The following ACTR1A variants were observed in gnomAD, a reference collection of about 807,000 sequenced individuals.
ACTR1A encodes alpha-centractin.
A neutral mutation model predicts 50.7 loss-of-function variants in ACTR1A; 10 were observed. The observed-to-expected ratio is 0.20, with a 90% CI of 0.12 to 0.33. The LOEUF (loss-of-function observed/expected upper bound fraction) is 0.33. ACTR1A is among the 10% of genes least tolerant of loss of function. ACTR1A has a pLI of 1.00. For missense variants in ACTR1A, 253 were observed against 491.7 expected, an observed-to-expected ratio of 0.51 and a Z score of 4.59; for synonymous variants, 177 against 184.2, an observed-to-expected ratio of 0.96 and a Z score of 0.32.
Position 102,481,191 on chromosome 10 carries a change from G to A in ACTR1A, c.988-19C>T. On this transcript the variant is annotated intron_variant, in intron 9 of 10. Coordinates refer to ENST00000369905, the MANE Select transcript of ACTR1A (RefSeq NM_005736.4). ...CAGATATCTGCAAAGGTGGGGGAAA[G>A]AGGAATCTGAGACTTCCAGCCCTCC... 3 of 1,569,986 alleles carry A rather than the reference G, an allele frequency of 1.9e-6. No homozygotes were observed. The South Asian group carries it at 3.6e-5, about 19-fold the overall frequency.
Position 102,484,069 on chromosome 10 carries a change from C to T in ACTR1A, c.657+91G>A, listed in dbSNP as rs985312778. The T allele has an allele frequency of 1.0e-5, 13 of 1,285,540 alleles. No homozygotes were observed. In the Admixed American group the frequency reaches 1.5e-4, roughly 14 times the overall value. 79.6% of individuals were successfully genotyped at this position (1,285,540 alleles called of 1,614,324 possible). A position where few individuals can be genotyped will look rare whatever the true frequency, so the allele number is the denominator to read the frequency against. ...CTCACCAGGGACCCCCAGGCAGGTG[C>T]TTTGCCTGGCTTCACTGGCAGGTCA... On this transcript the variant is annotated intron_variant, in intron 6 of 10. Transcript: ENST00000369905.
intron 1 of ACTR1A, among the ~76,000 whole-genome samples, chr10:102,501,084 GA>G (rs1227611614): frequency 2.7e-4 from 39 of 142,044 alleles, no homozygotes; most frequent in African/African-American, 4.1e-4. Flanking sequence ...AAAAAAAAAA[GA>G]AAAAAAAAAT....
rs532310435 is a variant in ACTR1A at position 102,491,753 on chromosome 10, G to A, written c.49-1140C>T. On this transcript the variant is annotated intron_variant, in intron 1 of 10. Transcript: ENST00000369905. Reference sequence around the variant, plus strand: ...CAGATGTCAAGGCTTAGTATTGCTTGTAGATACACCCTGTCCTCTTCCTTT... The same window carrying A: ...CAGATGTCAAGGCTTAGTATTGCTTATAGATACACCCTGTCCTCTTCCTTT... 3.3e-5 allele frequency among the ~76,000 whole-genome samples: 5 copies of A among 152,252 alleles called. No homozygotes were observed. The South Asian group carries it at 8.3e-4, about 25-fold the overall frequency.
chr10:102,484,335 C>T lies in ACTR1A; in HGVS notation c.482G>A (p.Gly161Glu). ...GGGCACAGCATGGGTGACTCCATCCCCAGAATCCAGCACCACCCCTGTGGT... is the reference window on the plus strand; with the variant it reads ...GGGCACAGCATGGGTGACTCCATCCTCAGAATCCAGCACCACCCCTGTGGT... ...GRTTGVVLDS[G>E]DGVTHAVPIY... Residue 161 changes from glycine (G) to glutamate (E), a missense_variant, in exon 6 of 11, where the codon GGG becomes GAG. Gly to Glu is a moderately conservative substitution (Grantham distance 98). Transcript: ENST00000369905. 1 of 1,614,164 alleles carries T rather than the reference C, an allele frequency of 6.2e-7. No homozygotes were observed. The highest frequency in any genetic ancestry group is 8.5e-7 in the Non-Finnish European group (1 of 1,180,040).
intron 9 of ACTR1A, 122 bp from the exon 10 acceptor site, chr10:102,481,294 C>T: frequency 7.3e-6 from 8 of 1,099,548 alleles, no homozygotes; most frequent in Non-Finnish European, 1.0e-5. Flanking sequence ...GCTCTGGCCT[C>T]TCTGGAGGGC....
chr10:102,484,087 G>A, intron 6 of ACTR1A, 73 bp downstream of exon 6: 1 of 1,465,594 alleles, frequency 6.8e-7, no homozygotes, highest in Non-Finnish European at 9.5e-7. Flanking sequence ...GGCTTCACTG[G>A]CAGGTCACCA....
At chr10:102,500,004 TG>T (rs1402971262) in intron 1 of ACTR1A, among the ~76,000 whole-genome samples, 3 of 152,206 alleles carry the variant, frequency 2.0e-5, no homozygotes, top group South Asian at 4.1e-4. Context: ...TGGAGAGAAG[TG>T]GGTGAAGTGA....
Position 102,480,863 on chromosome 10 carries a change from T to C in ACTR1A, c.1131A>G (p.Ter377=). The part of the protein sequence containing the change: ...GARSIHRKTF[*] ...GAGAGGTGAAGATGATGTCCCGACA[T>C]TAGAAGGTTTTTCTGTGGATGGATC... Residue 377 remains the stop codon, a stop_retained_variant, in exon 11 of 11, where the codon TAA becomes TAG. Transcript: ENST00000369905. 1 of 1,609,828 alleles carries C rather than the reference T, an allele frequency of 6.2e-7. No individual in the cohort carries two copies. The highest frequency in any genetic ancestry group is 8.5e-7 in the Non-Finnish European group (1 of 1,176,230).
At chr10:102,494,547 T>C (rs1337942472) in intron 1 of ACTR1A, among the ~76,000 whole-genome samples, 12 of 152,204 alleles carry the variant, frequency 7.9e-5, no homozygotes, top group Admixed American at 7.2e-4. Context: ...GGAGGATCAC[T>C]TGAGTCTGGG....
At chr10:102,481,017 G>A (rs928413932) in intron 10 of ACTR1A, 52 bp from the exon 11 acceptor site, 8 of 1,581,788 alleles carry the variant, frequency 5.1e-6, no homozygotes, top group Middle Eastern at 1.7e-4. Context: ...GGCTGTGTGT[G>A]GAGCCTACCA....
intron 1 of ACTR1A, among the ~76,000 whole-genome samples, chr10:102,502,311 A>G (rs2062260518): frequency 6.6e-6 from 1 of 152,230 alleles, no homozygotes. Context: ...AGGGCGGGCG[A>G]CGGGAATCTC....
Position 102,493,889 on chromosome 10 carries a change from C to T in ACTR1A, c.49-3276G>A, listed in dbSNP as rs574566576. Among the ~76,000 whole-genome samples the T allele has an allele frequency of 9.2e-5, 14 of 152,284 alleles. No homozygotes were observed. In the South Asian group the frequency reaches 2.7e-3, roughly 29 times the overall value. On this transcript the variant is annotated intron_variant, in intron 1 of 10. Coordinates refer to ENST00000369905, the MANE Select transcript of ACTR1A (RefSeq NM_005736.4). The stretch of plus-strand genomic sequence containing the variant: ...AAATGACAGAAGCCCCAGGCAGAGG[C>T]GGTTCAGCAAAGGGGAAAGCAGCAC...
At position 102,482,406 on chromosome 10, in the gene ACTR1A, AG is replaced by A. The variant is rs1252294430; in HGVS notation, c.751-232del. On this transcript the variant is annotated intron_variant, in intron 7 of 10. Coordinates refer to ENST00000369905, the MANE Select transcript of ACTR1A (RefSeq NM_005736.4). This position sits in a 1 kb window ranked among gnomAD's most constrained non-coding sequence, Gnocchi z 5.6. ...CTCGCTCTGGCATTTTCCAGCCAAGAGGTCTTTGGCATCAGTACATGGATTT... is the reference window on the plus strand; with the variant it reads ...CTCGCTCTGGCATTTTCCAGCCAAGAGTCTTTGGCATCAGTACATGGATTT... The A allele has an allele frequency of 5.2e-6, 3 of 575,064 alleles. No homozygotes were observed. The African/African-American group carries it at 5.6e-5, about 11-fold the overall frequency. 35.6% of individuals were successfully genotyped at this position (575,064 alleles called of 1,614,324 possible).
chr10:102,497,251 A>T (rs2062226922), intron 1 of ACTR1A, among the ~76,000 whole-genome samples: 1 of 151,898 alleles, frequency 6.6e-6, no homozygotes, highest in Admixed American at 6.6e-5. Flanking sequence ...CAAGAGTTTG[A>T]TAACTGTTAC....
At position 102,490,593 on chromosome 10, in the gene ACTR1A, A is replaced by G. The variant is rs758921594; in HGVS notation, c.69T>C (p.Ala23=). 3.7e-6 allele frequency: 6 copies of G among 1,613,534 alleles called. 1 individual carries two copies. The South Asian group carries it at 5.5e-5, about 15-fold the overall frequency. ...TGGGGATCTGATCACCAGCAAAACCAGCTTTAATCACACCGGATCCCTGAG... is the reference window on the plus strand; with the variant it reads ...TGGGGATCTGATCACCAGCAAAACCGGCTTTAATCACACCGGATCCCTGAG... ...VIDNGSGVIK[A]GFAGDQIPKY... The change falls in exon 2 of 11, where the codon GCT becomes GCC. Residue 23 remains alanine (A), a synonymous_variant. Coordinates refer to ENST00000369905, the MANE Select transcript of ACTR1A (RefSeq NM_005736.4).
chr10:102,493,209 GA>G (rs1347137570), intron 1 of ACTR1A, among the ~76,000 whole-genome samples: 1 of 152,154 alleles, frequency 6.6e-6, no homozygotes, highest in Non-Finnish European at 1.5e-5. Context: ...GAAAGACTGG[GA>G]AGGAGGGGCA....
rs2062264332 is a variant in ACTR1A at position 102,502,592 on chromosome 10, C to A, written c.48+8G>T. ...AGTCCCCTTATAGATAGGAAAGACG[C>A]AACTCACGTTGTCGATCACGACAGG... is the stretch of plus-strand genomic sequence containing the variant. On this transcript the variant is annotated splice_region_variant and intron_variant, in intron 1 of 10. Coordinates refer to ENST00000369905, the MANE Select transcript of ACTR1A (RefSeq NM_005736.4). 6.2e-7 allele frequency: 1 copy of A among 1,614,222 alleles called. No homozygotes were observed. The highest frequency in any genetic ancestry group is 2.2e-5 in the East Asian group (1 of 44,886).
rs1211500948 is a variant in ACTR1A at position 102,490,710 on chromosome 10, C to T, written c.49-97G>A. ...ACCATTTTTATTTAAGAAAAGAAAG[C>T]GGCCGGGCGCAGTGGCTCACACTTG... On this transcript the variant is annotated intron_variant, in intron 1 of 10. Transcript: ENST00000369905. The T allele has an allele frequency of 2.7e-5, 28 of 1,043,572 alleles. 1 individual carries two copies. Among genetic ancestry groups the T allele is most frequent in the South Asian group, 1.9e-4 (14 of 72,648 alleles). 64.6% of individuals were successfully genotyped at this position (1,043,572 alleles called of 1,614,324 possible).
In ACTR1A at chr10:102,482,717, T is replaced by G. The variant is rs764992506; in HGVS notation, c.750+294A>C. The G allele has an allele frequency of 2.5e-5, 9 of 365,954 alleles. No homozygotes were observed. Among genetic ancestry groups the G allele is most frequent in the Admixed American group, 4.2e-5 (1 of 23,850 alleles). 22.7% of individuals were successfully genotyped at this position (365,954 alleles called of 1,614,324 possible). On this transcript the variant is annotated intron_variant, in intron 7 of 10. Coordinates refer to ENST00000369905, the MANE Select transcript of ACTR1A (RefSeq NM_005736.4). This position sits in a 1 kb window ranked among gnomAD's most constrained non-coding sequence, Gnocchi z 5.6. ...AGTCTTTTGGCTTCCCTGGGCCACA[T>G]TGGAAGAAGAATTGTCTTGGGCCAC... is the stretch of plus-strand genomic sequence containing the variant.
Sources: allele counts gnomAD v4.1 joint callset (sites outside exome capture counted in the v4.1 genomes callset), GRCh38; gene constraint gnomAD v4.1.1; non-coding constraint Gnocchi (gnomAD v3.1); transcripts MANE v1.5; gene names NCBI Gene and HGNC (gene_info 2026-07-23, HGNC 2026-07-21).